The following AATK variants were observed in gnomAD, a reference collection of about 807,000 sequenced individuals.
AATK encodes the protein lemur tail kinase 1, also known as serine/threonine-protein kinase LMTK1.
Under a neutral mutation model 114.3 loss-of-function variants are expected in AATK, and 91 were observed. That is an observed-to-expected ratio of 0.80 (90% CI 0.67 to 0.95). The LOEUF (loss-of-function observed/expected upper bound fraction) is 0.95, where lower values mean the gene tolerates loss of function less well. AATK is among the 40% of genes least tolerant of loss of function. AATK has a pLI of 0.00. For missense variants in AATK, 2,176 were observed against 1,965.2 expected, an observed-to-expected ratio of 1.11 and a Z score of -2.03; for synonymous variants, 1,075 against 916.5, an observed-to-expected ratio of 1.17 and a Z score of -3.12.
Position 81,122,839 on chromosome 17 carries a change from C to A in AATK, c.1113-16G>T. On this transcript the variant is annotated splice_polypyrimidine_tract_variant and intron_variant, in intron 10 of 13. Coordinates refer to ENST00000326724, the MANE Select transcript of AATK (RefSeq NM_001080395.3). ...CACCTCGTACCTGCGAGGAGGTCCC[C>A]CGGGGGCCACGTCAGAGGCAACGCT... 6.8e-7 allele frequency: 1 copy of A among 1,467,128 alleles called. No homozygotes were observed. The highest frequency in any genetic ancestry group is 2.7e-5 in the East Asian group (1 of 36,444). The allele number at this position is 1,467,128 out of a possible 1,614,324, so 90.9% of individuals were successfully genotyped here. A position where few individuals can be genotyped will look rare whatever the true frequency, so the allele number is the denominator to read the frequency against.
chr17:81,159,516 G>A (rs1044020180), intron 1 of AATK, among the ~76,000 whole-genome samples: 1 of 152,116 alleles, frequency 6.6e-6, no homozygotes, highest in African/African-American at 2.4e-5. Flanking sequence ...TTTCGCAGGG[G>A]GTTCGAGGAA....
intron 1 of AATK, among the ~76,000 whole-genome samples, chr17:81,160,538 G>A (rs1451823607): frequency 6.6e-6 from 1 of 152,252 alleles, no homozygotes; most frequent in South Asian, 2.1e-4. Context: ...CTCTGTGAAA[G>A]GCAGGGCAAG....
intron 2 of AATK, chr17:81,132,715 TC>T: frequency 6.4e-6 from 2 of 310,558 alleles, no homozygotes; most frequent in Non-Finnish European, 6.7e-6. Flanking sequence ...TAGCACAGGG[TC>T]AGCATTGGGG....
rs971375557 is a variant in AATK at position 81,126,741 on chromosome 17, C to T, written c.622-181G>A. The T allele has an allele frequency of 1.2e-5, 17 of 1,416,092 alleles. No homozygotes were observed. In the South Asian group the frequency reaches 2.2e-4, roughly 18 times the overall value. The allele number at this position is 1,416,092 out of a possible 1,614,324, so 87.7% of individuals were successfully genotyped here. A position where few individuals can be genotyped will look rare whatever the true frequency, so the allele number is the denominator to read the frequency against. ...AGCAGTTCCTGGAGGGGGGCCGTGTCCCCCAGGGCTGGGCTGGACTGAAGG... is the reference window on the plus strand; with the variant it reads ...AGCAGTTCCTGGAGGGGGGCCGTGTTCCCCAGGGCTGGGCTGGACTGAAGG... On this transcript the variant is annotated intron_variant, in intron 6 of 13. Transcript: ENST00000326724. The surrounding 1 kb of genome is among the most constrained non-coding windows in gnomAD (Gnocchi z 5.1).
In AATK at chr17:81,126,393, G is replaced by A. The variant is rs771111951; in HGVS notation, c.755+34C>T. ...CCTTCAGGGGAGGGGCCTGGCCTAG[G>A]GCTTCCCGGCCGCTGGCCCGCGCCC... On this transcript the variant is annotated intron_variant, in intron 7 of 13. Coordinates refer to ENST00000326724, the MANE Select transcript of AATK (RefSeq NM_001080395.3). The surrounding 1 kb of genome is among the most constrained non-coding windows in gnomAD (Gnocchi z 5.1). 42 of 1,539,466 alleles carry A rather than the reference G, an allele frequency of 2.7e-5. 2 individuals carry two copies. In the South Asian group the frequency reaches 4.8e-4, roughly 18 times the overall value.
At chr17:81,140,588 T>C (rs969227976) in intron 1 of AATK, among the ~76,000 whole-genome samples, 1 of 144,432 alleles carries the variant, frequency 6.9e-6, no homozygotes, top group African/African-American at 2.6e-5. Flanking sequence ...CCGAGGGTCT[T>C]TGGATGAGGG....
intron 7 of AATK, 32 bp from the exon 8 acceptor site, chr17:81,125,046 G>GGGC: frequency 1.8e-5 from 1 of 56,860 alleles, no homozygotes; most frequent in Non-Finnish European, 2.3e-5. Context: ...GGGGCAGGGT[G>GGGC]AGCAGGGTGA....
At chr17:81,137,642 G>T (rs545100981) in intron 1 of AATK, among the ~76,000 whole-genome samples, 1 of 152,108 alleles carries the variant, frequency 6.6e-6, no homozygotes, top group Admixed American at 6.5e-5. Flanking sequence ...CATGACACTT[G>T]TTGTAACAAT....
chr17:81,124,900 G>A, intron 8 of AATK, 30 bp downstream of exon 8: 1 of 1,548,328 alleles, frequency 6.5e-7, no homozygotes, highest in Non-Finnish European at 8.8e-7. Context: ...TGCCCCTCAT[G>A]CCCAGCCCAG....
chr17:81,121,475 CAG>C lies in AATK; in HGVS notation c.2459_2460del (p.Pro820ArgfsTer5), dbSNP rs1160704189. On this transcript the variant is annotated frameshift_variant, in exon 11 of 14. Coordinates refer to ENST00000326724, the MANE Select transcript of AATK (RefSeq NM_001080395.3). LOFTEE classifies it high-confidence loss of function. ...PSEEASAPDAPDALPDSPTPA... is the reference protein window; with the variant it reads ...PSEEASAPDAXDALPDSPTPA... ...GGCGTGGGAGAGTCAGGCAGGGCAT[CAG>C]GGGCGTCGGGGGCACTGGCCTCCTC... 2 of 1,575,072 alleles carry C rather than the reference CAG, an allele frequency of 1.3e-6. No homozygotes were observed. The highest frequency in any genetic ancestry group is 2.3e-5 in the East Asian group (1 of 43,916).
In AATK at chr17:81,165,872, C is replaced by T. The variant is rs573766598; in HGVS notation, c.55+66G>A. On this transcript the variant is annotated intron_variant, in intron 1 of 13. Coordinates refer to ENST00000326724, the MANE Select transcript of AATK (RefSeq NM_001080395.3). ...TCCATGCAAACCGGGAGCCGTGGGG[C>T]CCAGGGGCATCACGTCCGCAGCGGA... is the stretch of plus-strand genomic sequence containing the variant. 1.2e-3 allele frequency: 1,902 copies of T among 1,545,114 alleles called. 41 individuals are homozygous for T. In the South Asian group the frequency reaches 0.021, roughly 17 times the overall value.
At chr17:81,145,404 G>A (rs930472760) in intron 1 of AATK, among the ~76,000 whole-genome samples, 9 of 152,030 alleles carry the variant, frequency 5.9e-5, no homozygotes, top group South Asian at 2.1e-4. Flanking sequence ...GGAAGGGATC[G>A]CAAAAGAAAA....
chr17:81,122,730 G>C lies in AATK; in HGVS notation c.1206C>G (p.Gly402=). 1.3e-6 allele frequency: 2 copies of C among 1,594,860 alleles called. No homozygotes were observed. The highest frequency in any genetic ancestry group is 1.7e-6 in the Non-Finnish European group (2 of 1,171,560). ...HLLLSYLCAK[G]ATEAEEEFER... is the part of the protein sequence containing the mutation. ...CAAACTCCTCCTCTGCTTCGGTGGC[G>C]CCCTTGGCACACAGGTAGGACAGCA... The change falls in exon 11 of 14, where the codon GGC becomes GGG. Residue 402 remains glycine, a synonymous_variant. Coordinates refer to ENST00000326724, the MANE Select transcript of AATK (RefSeq NM_001080395.3).
intron 1 of AATK, among the ~76,000 whole-genome samples, chr17:81,155,447 C>A (rs868385888): frequency 1.3e-5 from 2 of 151,826 alleles, no homozygotes; most frequent in African/African-American, 4.8e-5. Flanking sequence ...GAGTGCAGTG[C>A]GTGATCTTGG....
Position 81,165,620 on chromosome 17 carries a change from T to C in AATK, c.55+318A>G, listed in dbSNP as rs1336702595. The C allele has an allele frequency of 4.2e-6, 6 of 1,441,528 alleles. No homozygotes were observed. In the Admixed American group the frequency reaches 8.3e-5, roughly 20 times the overall value. 89.3% of individuals were successfully genotyped at this position (1,441,528 alleles called of 1,614,324 possible). ...CACCCCCCACACCCCCAAGGGCCCT[T>C]AGTCTGAGACCAACTCTCCTGGACA... On this transcript the variant is annotated intron_variant, in intron 1 of 13. Coordinates refer to ENST00000326724, the MANE Select transcript of AATK (RefSeq NM_001080395.3).
intron 1 of AATK, among the ~76,000 whole-genome samples, chr17:81,145,410 G>T (rs949193842): frequency 3.9e-5 from 6 of 152,054 alleles, no homozygotes; most frequent in Admixed American, 3.9e-4. Flanking sequence ...GATCGCAAAA[G>T]AAAATATTGA....
At chr17:81,136,415 G>A (rs990552764) in intron 1 of AATK, among the ~76,000 whole-genome samples, 3 of 152,174 alleles carry the variant, frequency 2.0e-5, no homozygotes, top group East Asian at 3.9e-4. Context: ...AACCAACCTC[G>A]GCCACCCTGG....
At chr17:81,163,502 G>C (rs1401288186) in intron 1 of AATK, among the ~76,000 whole-genome samples, 1 of 152,226 alleles carries the variant, frequency 6.6e-6, no homozygotes. Context: ...CAGAGAGGCT[G>C]GGTGAGTAGT....
intron 9 of AATK, 126 bp from the exon 10 acceptor site, chr17:81,123,469 G>C: frequency 1.2e-6 from 1 of 863,392 alleles, no homozygotes; most frequent in Non-Finnish European, 1.6e-6. Context: ...CCGGGGCCTG[G>C]TACCATACCA....
Sources: gnomAD v4.1 joint callset for allele counts (sites outside exome capture counted in the v4.1 genomes callset) on GRCh38, gnomAD v4.1.1 for gene constraint, Gnocchi (gnomAD v3.1) non-coding constraint, MANE v1.5 for transcripts, NCBI Gene and HGNC (gene_info 2026-07-23, HGNC 2026-07-21) for gene names.